The following HTRA1 variants were observed in gnomAD, a reference collection of about 807,000 sequenced individuals.
The protein encoded by HTRA1 is HtrA serine peptidase 1, also known as serine protease HTRA1.
A neutral mutation model predicts 49.7 loss-of-function variants in HTRA1; 26 were observed. The ratio of observed to expected loss-of-function variants is 0.52; its 90% CI spans 0.38 to 0.73. The LOEUF is 0.73. HTRA1 is among the 30% of genes least tolerant of loss of function. HTRA1 has a pLI of 0.00. For missense variants in HTRA1, 561 were observed against 667.2 expected, an observed-to-expected ratio of 0.84 and a Z score of 1.75; for synonymous variants, 291 against 286.9, an observed-to-expected ratio of 1.01 and a Z score of -0.14.
chr10:122,514,384 G>A lies in HTRA1; in HGVS notation c.*25G>A. On this transcript the variant is annotated 3_prime_UTR_variant, in exon 9 of 9. Coordinates refer to ENST00000368984, the MANE Select transcript of HTRA1 (RefSeq NM_002775.5). ...GGCAGAGGCATGAGCTGGACTTCAT[G>A]TTTCCCTCAAAGACTCTCCCGTGGA... 2 of 1,612,002 alleles carry A rather than the reference G, an allele frequency of 1.2e-6. No homozygotes were observed. The highest frequency in any genetic ancestry group is 2.2e-5 in the South Asian group (2 of 91,030).
At chr10:122,504,177 G>C (rs929569063) in intron 3 of HTRA1, among the ~76,000 whole-genome samples, 1 of 152,148 alleles carries the variant, frequency 6.6e-6, no homozygotes, top group African/African-American at 2.4e-5. Flanking sequence ...ATCCCTGCCT[G>C]GGGGCTCCCC....
intron 6 of HTRA1, 70 bp from the exon 7 acceptor site, chr10:122,510,026 C>T (rs554617044): frequency 2.4e-4 from 326 of 1,364,414 alleles, no homozygotes; most frequent in Non-Finnish European, 3.2e-4. Flanking sequence ...ATTGGGCCCC[C>T]GGCCCCTGGT....
chr10:122,484,424 T>C (rs2097492268), intron 1 of HTRA1, among the ~76,000 whole-genome samples: 1 of 152,138 alleles, frequency 6.6e-6, no homozygotes, highest in African/African-American at 2.4e-5. Flanking sequence ...ACAGCTTCCC[T>C]GGATCATACC....
chr10:122,468,063 T>C lies in HTRA1; in HGVS notation c.472+5939T>C, dbSNP rs148496412. On this transcript the variant is annotated intron_variant, in intron 1 of 8. Coordinates refer to ENST00000368984, the MANE Select transcript of HTRA1 (RefSeq NM_002775.5). ...CATTTCTAAATTCATTCAGAGCATTTATTTAACACCTACTGTGTGCTCAGA... is the reference window on the plus strand; with the variant it reads ...CATTTCTAAATTCATTCAGAGCATTCATTTAACACCTACTGTGTGCTCAGA... 2.9e-3 allele frequency among the ~76,000 whole-genome samples: 447 copies of C among 152,324 alleles called. 1 individual carries two copies. Among genetic ancestry groups the C allele is most frequent in the African/African-American group, 0.01 (429 of 41,576 alleles).
In HTRA1 at chr10:122,514,404, C is replaced by G. The variant is rs529288144; in HGVS notation, c.*45C>G. On this transcript the variant is annotated 3_prime_UTR_variant, in exon 9 of 9. Coordinates refer to ENST00000368984, the MANE Select transcript of HTRA1 (RefSeq NM_002775.5). Reference sequence around the variant, plus strand: ...TTCATGTTTCCCTCAAAGACTCTCCCGTGGATGACGGATGAGGACTCTGGG... The same window carrying G: ...TTCATGTTTCCCTCAAAGACTCTCCGGTGGATGACGGATGAGGACTCTGGG... 1 of 1,589,018 alleles carries G rather than the reference C, an allele frequency of 6.3e-7. No homozygotes were observed.
At chr10:122,512,180 C>A in intron 8 of HTRA1, 115 bp downstream of exon 8, 1 of 844,676 alleles carries the variant, frequency 1.2e-6, no homozygotes, top group Non-Finnish European at 2.0e-6. Context: ...TGATCCTTGA[C>A]AGACGTGGTC....
At chr10:122,481,058 T>C (rs1235422866) in intron 1 of HTRA1, among the ~76,000 whole-genome samples, 1 of 152,182 alleles carries the variant, frequency 6.6e-6, no homozygotes, top group African/African-American at 2.4e-5. Flanking sequence ...ACAATGCTTT[T>C]GTAATATTTC....
intron 1 of HTRA1, among the ~76,000 whole-genome samples, chr10:122,475,641 G>A (rs2097488122): frequency 6.6e-6 from 1 of 152,190 alleles, no homozygotes; most frequent in Admixed American, 6.5e-5. Context: ...AGGGTTTCAG[G>A]TTTCCTTTAG....
chr10:122,502,920 GGA>G (rs1043194215), intron 3 of HTRA1, among the ~76,000 whole-genome samples: 6 of 152,188 alleles, frequency 3.9e-5, no homozygotes, highest in African/African-American at 1.4e-4. Context: ...ATGAGGAGTG[GGA>G]CTCGCGTGCC....
At chr10:122,509,095 C>T (rs1474014175) in intron 6 of HTRA1, among the ~76,000 whole-genome samples, 1 of 152,038 alleles carries the variant, frequency 6.6e-6, no homozygotes, top group Non-Finnish European at 1.5e-5. Flanking sequence ...ATTACTAGTC[C>T]CATTTTGCTG....
intron 1 of HTRA1, among the ~76,000 whole-genome samples, chr10:122,477,521 T>C (rs562609601): frequency 1.3e-5 from 2 of 152,060 alleles, no homozygotes; most frequent in South Asian, 2.1e-4. Flanking sequence ...AGCTGAGGAG[T>C]GTGTCCCAGA....
At chr10:122,488,499 T>C (rs2097494087) in intron 1 of HTRA1, among the ~76,000 whole-genome samples, 1 of 151,722 alleles carries the variant, frequency 6.6e-6, no homozygotes, top group South Asian at 2.1e-4. Flanking sequence ...GAGGTGGAGG[T>C]TGTGATGAGC....
At chr10:122,479,159 A>C (rs554267925) in intron 1 of HTRA1, among the ~76,000 whole-genome samples, 8 of 152,230 alleles carry the variant, frequency 5.3e-5, no homozygotes, top group Non-Finnish European at 1.2e-4. Flanking sequence ...AGAAATTGGA[A>C]GCGGGGATTG....
intron 1 of HTRA1, among the ~76,000 whole-genome samples, chr10:122,471,292 G>T (rs2097486026): frequency 6.6e-6 from 1 of 152,170 alleles, no homozygotes; most frequent in Admixed American, 6.5e-5. Context: ...CGCACAGGAG[G>T]AAGAGTGAGG....
Position 122,461,607 on chromosome 10 carries a change from G to C in HTRA1, c.-46G>C, listed in dbSNP as rs1262451386. 1.3e-5 allele frequency: 16 copies of C among 1,207,722 alleles called. No individual in the cohort carries two copies. Among genetic ancestry groups the C allele is most frequent in the Non-Finnish European group, 1.6e-5 (15 of 928,556 alleles). 74.8% of individuals were successfully genotyped at this position (1,207,722 alleles called of 1,614,324 possible). ...TGCACTCTCCCCGGCGCCGCTCTCC[G>C]GCCCTCGCCCTGTCCGCCGCCACCG... On this transcript the variant is annotated 5_prime_UTR_variant, in exon 1 of 9. Transcript: ENST00000368984.
chr10:122,484,360 T>G (rs1246641276), intron 1 of HTRA1, among the ~76,000 whole-genome samples: 1 of 152,310 alleles, frequency 6.6e-6, no homozygotes, highest in African/African-American at 2.4e-5. Context: ...TGGGGTACCC[T>G]TGTAAGCTAG....
intron 3 of HTRA1, among the ~76,000 whole-genome samples, chr10:122,503,681 A>G (rs1467693193): frequency 1.3e-5 from 2 of 152,184 alleles, no homozygotes; most frequent in African/African-American, 2.4e-5. Flanking sequence ...GGGGGAAAAT[A>G]TAGCTCAACT....
chr10:122,501,494 C>T (rs981456307), intron 3 of HTRA1, among the ~76,000 whole-genome samples: 11 of 152,124 alleles, frequency 7.2e-5, no homozygotes, highest in African/African-American at 2.7e-4. Flanking sequence ...ACCATATTCC[C>T]CAGGCTTTGG....
In HTRA1 at chr10:122,464,104, C is replaced by T. The variant is rs2133906944; in HGVS notation, c.472+1980C>T. Among the ~76,000 whole-genome samples the T allele has an allele frequency of 6.6e-6, 1 of 152,240 alleles. No homozygotes were observed. Among genetic ancestry groups the T allele is most frequent in the East Asian group, 1.9e-4 (1 of 5,182 alleles). On this transcript the variant is annotated intron_variant, in intron 1 of 8. Transcript: ENST00000368984. This position sits in a 1 kb window ranked among gnomAD's most constrained non-coding sequence, Gnocchi z 4.8. The stretch of plus-strand genomic sequence containing the variant: ...CCAGGGTGGAGAGTTTAGACTACTG[C>T]AATAATCTGGGTGTGAGGCGACAAC...
Sources: allele counts gnomAD v4.1 joint callset (sites outside exome capture counted in the v4.1 genomes callset), GRCh38; gene constraint gnomAD v4.1.1; non-coding constraint Gnocchi (gnomAD v3.1); transcripts MANE v1.5; gene names NCBI Gene and HGNC (gene_info 2026-07-23, HGNC 2026-07-21).